Variants in DCLK2 observed in about 807,000 individuals in gnomAD.
The protein encoded by DCLK2 is doublecortin like kinase 2, also known as serine/threonine-protein kinase DCLK2.
In DCLK2, 31 loss-of-function variants were observed where a neutral mutation model predicts 78.4. That is an observed-to-expected ratio of 0.40 (90% CI 0.30 to 0.53). The LOEUF is 0.53. Ranked by LOEUF, DCLK2 falls within the 20% of genes least tolerant of loss-of-function variation. DCLK2 has a pLI of 0.61. For missense variants in DCLK2, 872 were observed against 973.7 expected, an observed-to-expected ratio of 0.90 and a Z score of 1.39; for synonymous variants, 407 against 374.9, an observed-to-expected ratio of 1.09 and a Z score of -0.99.
chr4:150,201,915 TAA>T (rs1739482845), intron 4 of DCLK2, among the ~76,000 whole-genome samples: 1 of 152,260 alleles, frequency 6.6e-6, no homozygotes, highest in Non-Finnish European at 1.5e-5. Context: ...AAGATTTTTT[TAA>T]AGACTTTATT....
At chr4:150,249,199 A>C (rs1280347282) in intron 14 of DCLK2, among the ~76,000 whole-genome samples, 3 of 152,130 alleles carry the variant, frequency 2.0e-5, no homozygotes, top group African/African-American at 7.2e-5. Flanking sequence ...TTCTTGATTA[A>C]AGTGAAAAAC....
intron 2 of DCLK2, among the ~76,000 whole-genome samples, chr4:150,119,968 TG>T (rs938323021): frequency 6.6e-5 from 10 of 152,250 alleles, no homozygotes. Context: ...AGTTAATTAA[TG>T]TTTTTGGTCA....
intron 10 of DCLK2, among the ~76,000 whole-genome samples, chr4:150,238,025 G>C (rs1742637973): frequency 6.6e-6 from 1 of 152,082 alleles, no homozygotes; most frequent in South Asian, 2.1e-4. Context: ...TATTCACTTA[G>C]AACCTAACTT....
At chr4:150,241,345 A>T (rs1362966934) in intron 12 of DCLK2, among the ~76,000 whole-genome samples, 1 of 152,162 alleles carries the variant, frequency 6.6e-6, no homozygotes, top group East Asian at 1.9e-4. Context: ...TTGGCCTGGC[A>T]ATCTTTGTGC....
chr4:150,201,848 C>G (rs1295976754), intron 4 of DCLK2, among the ~76,000 whole-genome samples: 1 of 152,098 alleles, frequency 6.6e-6, no homozygotes, highest in Non-Finnish European at 1.5e-5. Flanking sequence ...CACCTCACCA[C>G]AAGCTTACTA....
rs1376059237 is a variant in DCLK2, at chr4:150,224,533, T to G, written c.1274T>G (p.Ile425Arg). 2 of 1,612,846 alleles carry G rather than the reference T, an allele frequency of 1.2e-6. No individual in the cohort carries two copies. The change falls in exon 8 of 16, where the codon ATA (isoleucine) becomes AGA (arginine). Residue 425 changes from isoleucine to arginine, a missense_variant. Around this residue, in one of 3 missense-constraint regions of DCLK2, gnomAD observed 567 missense variants for 593.4 expected, o/e 0.96. Coordinates refer to ENST00000296550, the MANE Select transcript of DCLK2 (RefSeq NM_001040260.4). ...STGKEFALKIIDKAKCCGKEH... is the reference protein window; with the variant it reads ...STGKEFALKIRDKAKCCGKEH... ...GGAAAGGAGTTTGCCCTAAAGATTA[T>G]AGACAAAGCCAAATGTTGTGGAAAG...
At chr4:150,103,605 C>A (rs1315336643) in intron 2 of DCLK2, among the ~76,000 whole-genome samples, 2 of 151,936 alleles carry the variant, frequency 1.3e-5, no homozygotes, top group South Asian at 2.1e-4. Context: ...AAATTTGTTT[C>A]TTTGTTCCAT....
In DCLK2 at chr4:150,175,155, A is replaced by G. The variant is rs1490063250; in HGVS notation, c.757-17983A>G. ...TATAATTTATGTATATTTTATATAT[A>G]TTTATAATTTATATATATTTATATA... On this transcript the variant is annotated intron_variant, in intron 2 of 15. Transcript: ENST00000296550. 1.1e-4 allele frequency among the ~76,000 whole-genome samples: 14 copies of G among 127,324 alleles called. 2 individuals carry two copies. Among genetic ancestry groups the G allele is most frequent in the Non-Finnish European group, 2.1e-4 (13 of 61,982 alleles). 83.5% of individuals were successfully genotyped at this position (127,324 alleles called of 152,430 possible).
intron 1 of DCLK2, among the ~76,000 whole-genome samples, chr4:150,099,002 C>G (rs527547565): frequency 6.0e-5 from 9 of 150,962 alleles, no homozygotes; most frequent in South Asian, 2.1e-4. Flanking sequence ...GCCTCTCACA[C>G]TGTTATTTTT....
At chr4:150,145,102 C>T (rs1734377693) in intron 2 of DCLK2, among the ~76,000 whole-genome samples, 1 of 152,044 alleles carries the variant, frequency 6.6e-6, no homozygotes, top group Non-Finnish European at 1.5e-5. Flanking sequence ...AAATGTATTA[C>T]TGGTTATTTT....
At chr4:150,182,983 C>T (rs1288608622) in intron 2 of DCLK2, among the ~76,000 whole-genome samples, 1 of 152,006 alleles carries the variant, frequency 6.6e-6, no homozygotes, top group Non-Finnish European at 1.5e-5. Flanking sequence ...TTTCACACCA[C>T]CAACCGCCCC....
chr4:150,221,551 A>AT, intron 6 of DCLK2, 126 bp from the exon 7 acceptor site: 1 of 589,858 alleles, frequency 1.7e-6, no homozygotes, highest in Non-Finnish European at 2.8e-6. Flanking sequence ...ATGTGTGCAG[A>AT]TATTTTATTT....
intron 2 of DCLK2, among the ~76,000 whole-genome samples, chr4:150,114,429 A>G (rs1030538425): frequency 2.0e-5 from 3 of 152,036 alleles, no homozygotes; most frequent in Admixed American, 6.6e-5. Flanking sequence ...GATGTAAGGT[A>G]CTGTTCCAGT....
At chr4:150,239,701 G>T (rs759273269) in intron 10 of DCLK2, 41 bp from the exon 11 acceptor site, 1 of 1,599,642 alleles carries the variant, frequency 6.3e-7, no homozygotes, top group Admixed American at 1.7e-5. Flanking sequence ...AATTGTTGAG[G>T]AAAAAAAAAT....
chr4:150,095,938 G>A (rs112487291), intron 1 of DCLK2, among the ~76,000 whole-genome samples: 1 of 152,216 alleles, frequency 6.6e-6, no homozygotes, highest in Non-Finnish European at 1.5e-5. Flanking sequence ...CACTAATGTA[G>A]GAACCTGCAG....
intron 2 of DCLK2, among the ~76,000 whole-genome samples, chr4:150,147,683 C>T (rs1334160237): frequency 1.3e-5 from 2 of 152,124 alleles, no homozygotes; most frequent in Non-Finnish European, 2.9e-5. Flanking sequence ...ATAAAAGAAA[C>T]ACCTGGACTT....
chr4:150,241,768 C>T (rs1235846199), intron 12 of DCLK2, among the ~76,000 whole-genome samples: 1 of 152,178 alleles, frequency 6.6e-6, no homozygotes, highest in Non-Finnish European at 1.5e-5. Context: ...GGTTCATAGA[C>T]AGCCATCTCC....
chr4:150,204,129 T>C (rs1304134363), intron 5 of DCLK2, among the ~76,000 whole-genome samples: 1 of 152,218 alleles, frequency 6.6e-6, no homozygotes, highest in Non-Finnish European at 1.5e-5. Flanking sequence ...TGTGGTGTTC[T>C]TATTTTAGAG....
At chr4:150,186,042 C>T (rs1003429505) in intron 2 of DCLK2, among the ~76,000 whole-genome samples, 7 of 152,058 alleles carry the variant, frequency 4.6e-5, no homozygotes, top group African/African-American at 1.4e-4. Context: ...TATTACTTTC[C>T]CCTCGTTTGT....
Sources: allele counts gnomAD v4.1 joint callset (sites outside exome capture counted in the v4.1 genomes callset), GRCh38; gene constraint gnomAD v4.1.1; regional missense constraint gnomAD v4.1.1; transcripts MANE v1.5; gene names NCBI Gene and HGNC (gene_info 2026-07-23, HGNC 2026-07-21).